The following ANK3 variants were observed in gnomAD, a reference collection of about 807,000 sequenced individuals.
ANK3 encodes ankyrin 3.
Under a neutral mutation model 370.9 loss-of-function variants are expected in ANK3, and 57 were observed. The observed-to-expected ratio is 0.15, with a 90% CI of 0.12 to 0.19. The LOEUF is 0.19. ANK3 is among the 10% of genes least tolerant of loss of function. ANK3 has a pLI of 1.00. For synonymous variants in ANK3, 1,929 were observed against 1,946.3 expected (o/e 0.99, Z 0.23); for missense variants, 4,439 against 5,302.1 (o/e 0.84, Z 5.06).
At chr10:60,490,773 C>G (rs928459719) in intron 2 of ANK3, among the ~76,000 whole-genome samples, 1 of 152,180 alleles carries the variant, frequency 6.6e-6, no homozygotes, top group South Asian at 2.1e-4. Flanking sequence ...GCCACCATTT[C>G]TTAAAAATAG....
At chr10:60,698,458 T>A (rs2079495964) in intron 1 of ANK3, among the ~76,000 whole-genome samples, 1 of 151,206 alleles carries the variant, frequency 6.6e-6, no homozygotes, top group Non-Finnish European at 1.5e-5. Context: ...CACACGTATG[T>A]TTATTGCGGC....
intron 1 of ANK3, among the ~76,000 whole-genome samples, chr10:60,321,580 T>G (rs530426919): frequency 1.3e-5 from 2 of 152,206 alleles, no homozygotes; most frequent in African/African-American, 4.8e-5. Flanking sequence ...GAACTCTGCA[T>G]GTATTAGCTC....
intron 2 of ANK3, among the ~76,000 whole-genome samples, chr10:60,457,720 G>C (rs1466591834): frequency 6.6e-6 from 1 of 152,062 alleles, no homozygotes; most frequent in Non-Finnish European, 1.5e-5. Flanking sequence ...TGATTTCTTT[G>C]AGAGAATATT....
At chr10:60,220,918 T>C (rs1329781863) in intron 8 of ANK3, among the ~76,000 whole-genome samples, 1 of 152,184 alleles carries the variant, frequency 6.6e-6, no homozygotes, top group South Asian at 2.1e-4. Flanking sequence ...AATAACTATT[T>C]TAGCTGCACT....
At position 60,208,198 on chromosome 10, in the gene ANK3, C is replaced by T. The variant is rs1167907258; in HGVS notation, c.1032G>A (p.Gly344=). The change falls in exon 10 of 44, where the codon GGG becomes GGA. Residue 344 remains glycine (G), a synonymous_variant. Transcript: ENST00000280772. ...GAAGCTGGACGCAGTTTAAATGATC[C>T]CCTTGTGTGGCCATGTGCAATGGAG... is the stretch of plus-strand genomic sequence containing the variant. The part of the protein sequence containing the change: ...GLSPLHMATQ[G]DHLNCVQLLL... 1 of 1,614,056 alleles carries T rather than the reference C, an allele frequency of 6.2e-7. No homozygotes were observed. The highest frequency in any genetic ancestry group is 1.1e-5 in the South Asian group (1 of 91,074).
intron 8 of ANK3, among the ~76,000 whole-genome samples, chr10:60,215,406 T>C (rs1384585329): frequency 1.3e-5 from 2 of 152,198 alleles, no homozygotes; most frequent in African/African-American, 2.4e-5. Context: ...CCATTGCTTT[T>C]GGCGTTTTTG....
At chr10:60,460,783 A>G (rs2064864615) in intron 2 of ANK3, among the ~76,000 whole-genome samples, 1 of 152,182 alleles carries the variant, frequency 6.6e-6, no homozygotes, top group Non-Finnish European at 1.5e-5. Context: ...CAATGCAGAC[A>G]GAACCATAAA....
chr10:60,042,601 A>C (rs1212867721), intron 43 of ANK3, 71 bp downstream of exon 43: 5 of 1,399,436 alleles, frequency 3.6e-6, no homozygotes, highest in Middle Eastern at 1.8e-4. Context: ...AATCAGAATC[A>C]CTTATTTAGT....
chr10:60,435,665 C>T (rs1245759690), intron 2 of ANK3, among the ~76,000 whole-genome samples: 2 of 152,180 alleles, frequency 1.3e-5, no homozygotes, highest in Non-Finnish European at 2.9e-5. Flanking sequence ...AAGTTATTCC[C>T]CATTCTCCTC....
intron 41 of ANK3, among the ~76,000 whole-genome samples, chr10:60,058,591 A>C (rs1269013957): frequency 6.6e-6 from 1 of 152,218 alleles, no homozygotes; most frequent in South Asian, 2.1e-4. Context: ...CATTTAAAAA[A>C]TCATGCGTAG....
intron 2 of ANK3, among the ~76,000 whole-genome samples, chr10:60,482,455 A>G (rs1359052756): frequency 6.6e-6 from 1 of 152,028 alleles, no homozygotes; most frequent in Non-Finnish European, 1.5e-5. Flanking sequence ...AAGTGTTCTG[A>G]GATACCTACC....
chr10:60,406,653 G>T (rs894398966), intron 2 of ANK3, among the ~76,000 whole-genome samples: 1 of 152,322 alleles, frequency 6.6e-6, no homozygotes, highest in African/African-American at 2.4e-5. Flanking sequence ...CAGCCCGGGG[G>T]CTGAGGGCTC....
At chr10:60,240,376 C>T (rs1210930310) in intron 7 of ANK3, among the ~76,000 whole-genome samples, 1 of 147,142 alleles carries the variant, frequency 6.8e-6, no homozygotes, top group Non-Finnish European at 1.5e-5. Context: ...ATGATTTCGG[C>T]TCACCACAAC....
intron 1 of ANK3, among the ~76,000 whole-genome samples, chr10:60,669,230 C>T (rs1277377927): frequency 6.6e-6 from 1 of 152,304 alleles, no homozygotes; most frequent in East Asian, 1.9e-4. Flanking sequence ...CAATCACATT[C>T]GCTTCTGACA....
chr10:60,477,376 T>A (rs918963769), intron 2 of ANK3, among the ~76,000 whole-genome samples: 1 of 152,046 alleles, frequency 6.6e-6, no homozygotes, highest in Non-Finnish European at 1.5e-5. Context: ...AATGCAACAC[T>A]GAAAGTCAAG....
At chr10:60,576,993 T>G (rs1025283035) in intron 2 of ANK3, among the ~76,000 whole-genome samples, 1 of 152,230 alleles carries the variant, frequency 6.6e-6, no homozygotes, top group Non-Finnish European at 1.5e-5. Context: ...GTAAACAAAC[T>G]TGTCCTTAAT....
At chr10:60,396,052 C>A (rs559596527) in intron 2 of ANK3, among the ~76,000 whole-genome samples, 1 of 152,190 alleles carries the variant, frequency 6.6e-6, no homozygotes, top group Non-Finnish European at 1.5e-5. Context: ...ACTCCCTTTA[C>A]GCCCTGGCTA....
At chr10:60,039,252 A>G (rs1297606252) in intron 43 of ANK3, among the ~76,000 whole-genome samples, 2 of 152,144 alleles carry the variant, frequency 1.3e-5, no homozygotes, top group Non-Finnish European at 2.9e-5. Flanking sequence ...CACTCTTGCC[A>G]CTCTTGGCTT....
chr10:60,039,799 C>T (rs1453175925), intron 43 of ANK3, among the ~76,000 whole-genome samples: 1 of 152,048 alleles, frequency 6.6e-6, no homozygotes, highest in Non-Finnish European at 1.5e-5. Flanking sequence ...TTACCTAGTG[C>T]CTGCCACATA....
Sources: allele counts gnomAD v4.1 joint callset (sites outside exome capture counted in the v4.1 genomes callset), GRCh38; gene constraint gnomAD v4.1.1; transcripts MANE v1.5; gene names NCBI Gene and HGNC (gene_info 2026-07-23, HGNC 2026-07-21).